Variants in NUP58 observed in about 807,000 individuals in gnomAD.
NUP58 encodes the protein nucleoporin 58.
NUP58 carries 17 observed loss-of-function variants against 70.1 expected under a neutral mutation model. The observed-to-expected ratio is 0.24, with a 90% CI of 0.17 to 0.36. The LOEUF is 0.36. Ranked by LOEUF, NUP58 falls within the 10% of genes least tolerant of loss-of-function variation. The pLI, the probability that NUP58 is intolerant of heterozygous loss-of-function variation, is 1.00. For synonymous variants in NUP58, 275 were observed against 257.6 expected (o/e 1.07, Z -0.65); for missense variants, 644 against 701.5 (o/e 0.92, Z 0.93).
At position 25,313,641 on chromosome 13, in the gene NUP58, T is replaced by C; in HGVS notation, c.464T>C (p.Leu155Ser). 1.3e-6 allele frequency: 2 copies of C among 1,523,820 alleles called. No individual in the cohort carries two copies. The highest frequency in any genetic ancestry group is 1.7e-6 in the Non-Finnish European group (2 of 1,149,106). The allele number at this position is 1,523,820 out of a possible 1,614,324, so 94.4% of individuals were successfully genotyped here. A position where few individuals can be genotyped will look rare whatever the true frequency, so the allele number is the denominator to read the frequency against. ...TCCACAGGATTTACTCTAAATAATT[T>C]GGGTGGGACAACAGCCACAACTACA... ...AASTGFTLNN[L>S]GGTTATTTTA... Residue 155 changes from leucine (L) to serine (S), a missense_variant, in exon 5 of 16, where the codon TTG becomes TCG. Physicochemically the swap from Leu to Ser is moderately radical, Grantham distance 145 (BLOSUM62 -2). This residue lies in a region of NUP58 where 430 missense variants were observed against 409.2 expected (regional missense o/e 1.05). Coordinates refer to ENST00000381736, the MANE Select transcript of NUP58 (RefSeq NM_014089.4).
At chr13:25,343,823 A>ATG (rs2032013070), downstream of NUP58, among the ~76,000 whole-genome samples, 6 of 140,700 alleles carry the variant, frequency 4.3e-5, no homozygotes, top group Non-Finnish European at 8.1e-5. Flanking sequence ...ATATATATAT[A>ATG]TATACACATA....
intron 13 of NUP58, chr13:25,334,012 G>A (rs1593198999): frequency 1.2e-5 from 12 of 985,218 alleles, no homozygotes; most frequent in Non-Finnish European, 1.3e-5. Flanking sequence ...AGGAGGAATA[G>A]ACTTAAACGA....
intron 13 of NUP58, 63 bp from the exon 14 acceptor site, chr13:25,336,873 T>G (rs1020691836): frequency 5.1e-6 from 5 of 987,294 alleles, no homozygotes; most frequent in Admixed American, 5.5e-5. Context: ...GAATCTTTAA[T>G]CTTGAAAGAG....
At chr13:25,319,400 TATTAA>T (rs755534147) in intron 7 of NUP58, 50 bp downstream of exon 7, 28 of 1,517,298 alleles carry the variant, frequency 1.8e-5, no homozygotes, top group African/African-American at 2.7e-5. Context: ...GAGTTTAACT[TATTAA>T]ATTGTAGGCA....
intron 6 of NUP58, 136 bp from the exon 7 acceptor site, chr13:25,319,190 T>G: frequency 1.2e-6 from 1 of 806,792 alleles, no homozygotes; most frequent in Non-Finnish European, 2.1e-6. Context: ...TGACATCACA[T>G]GATGTTTATG....
chr13:25,313,501 C>A (rs2030775369), intron 4 of NUP58, 113 bp from the exon 5 acceptor site: 1 of 1,041,476 alleles, frequency 9.6e-7, no homozygotes, highest in Non-Finnish European at 1.3e-6. Flanking sequence ...GTAGTTCTTC[C>A]AAAGAGCCAA....
intron 1 of NUP58, chr13:25,302,787 G>A: frequency 5.5e-6 from 2 of 364,094 alleles, no homozygotes; most frequent in East Asian, 1.5e-4. Context: ...TTTAAAAAGG[G>A]AGGGAGGAGG....
At chr13:25,305,640 C>T (rs2030311088) in intron 1 of NUP58, among the ~76,000 whole-genome samples, 1 of 152,212 alleles carries the variant, frequency 6.6e-6, no homozygotes, top group Non-Finnish European at 1.5e-5. Context: ...GCTCCTCCAC[C>T]TCCATTCCCC....
At chr13:25,302,420 G>T (rs1441571743) in intron 1 of NUP58, among the ~76,000 whole-genome samples, 1 of 152,130 alleles carries the variant, frequency 6.6e-6, no homozygotes, top group Non-Finnish European at 1.5e-5. Context: ...CTTTTTTACA[G>T]TGTTTATTAG....
chr13:25,340,180 C>G lies in NUP58; in HGVS notation c.*46C>G. 6.9e-7 allele frequency: 1 copy of G among 1,439,422 alleles called. No homozygotes were observed. The allele number at this position is 1,439,422 out of a possible 1,614,324, so 89.2% of individuals were successfully genotyped here. On this transcript the variant is annotated 3_prime_UTR_variant, in exon 16 of 16. Coordinates refer to ENST00000381736, the MANE Select transcript of NUP58 (RefSeq NM_014089.4). ...AGAATCCATAGCAGCACCGTTCATT[C>G]TATGAGTCTATTTTTCTAATGATGC...
At chr13:25,336,912 A>ATTTTTTTTTT in intron 13 of NUP58, 24 bp from the exon 14 acceptor site, 1 of 1,256,628 alleles carries the variant, frequency 8.0e-7, no homozygotes, top group Non-Finnish European at 1.1e-6. Flanking sequence ...TTTCCCCCCC[A>ATTTTTTTTTT]TTTTTTTTTT....
intron 13 of NUP58, chr13:25,332,796 T>A (rs2031656695): frequency 1.0e-6 from 1 of 985,380 alleles, no homozygotes; most frequent in Non-Finnish European, 1.2e-6. Flanking sequence ...CATTGTTAAG[T>A]TATGGAGGGA....
intron 13 of NUP58, chr13:25,333,784 T>TAA (rs2031691321): frequency 1.6e-5 from 16 of 985,302 alleles, no homozygotes; most frequent in Non-Finnish European, 1.8e-5. Context: ...TCTTTGTTTT[T>TAA]AAGTGCCAGT....
chr13:25,314,898 G>A (rs2030854388), intron 5 of NUP58, among the ~76,000 whole-genome samples: 1 of 152,022 alleles, frequency 6.6e-6, no homozygotes, highest in Middle Eastern at 3.4e-3. Flanking sequence ...ACGAACTTGG[G>A]AGTATGAAAT....
intron 15 of NUP58, 169 bp downstream of exon 15, chr13:25,338,900 A>C: frequency 1.8e-4 from 87 of 473,620 alleles, no homozygotes; most frequent in East Asian, 4.3e-4. Context: ...TATCTCTCTC[A>C]TAAACTAAAG....
chr13:25,338,548 C>G, intron 14 of NUP58, 88 bp from the exon 15 acceptor site: 1 of 897,442 alleles, frequency 1.1e-6, no homozygotes, highest in Non-Finnish European at 1.8e-6. Flanking sequence ...ATCTGTTAGA[C>G]CTCTGATGAT....
intron 3 of NUP58, among the ~76,000 whole-genome samples, chr13:25,311,022 T>C (rs1270804522): frequency 6.6e-6 from 1 of 152,154 alleles, no homozygotes; most frequent in Non-Finnish European, 1.5e-5. Flanking sequence ...TGTTCTTGTA[T>C]AATCCGATAA....
intron 10 of NUP58, 70 bp downstream of exon 10, chr13:25,325,138 A>T: frequency 6.4e-6 from 7 of 1,088,584 alleles, no homozygotes; most frequent in Non-Finnish European, 6.8e-6. Flanking sequence ...AATAGTATAC[A>T]AACTAAATAT....
chr13:25,323,526 T>C (rs1333009490), intron 9 of NUP58, among the ~76,000 whole-genome samples: 1 of 152,136 alleles, frequency 6.6e-6, no homozygotes, highest in African/African-American at 2.4e-5. Context: ...AAGAGTCTAG[T>C]GAATTACCAA....
Sources: gnomAD v4.1 joint callset for allele counts (sites outside exome capture counted in the v4.1 genomes callset) on GRCh38, gnomAD v4.1.1 for gene constraint, gnomAD v4.1.1 regional missense constraint, MANE v1.5 for transcripts, NCBI Gene and HGNC (gene_info 2026-07-23, HGNC 2026-07-21) for gene names.